NBPF26: variants seen among roughly 807,000 people sequenced by gnomAD.
NBPF26 encodes the protein NBPF family member NBPF26.
In NBPF26, 79 loss-of-function variants were observed where a neutral mutation model predicts 119.6. The observed-to-expected ratio is 0.66, with a 90% CI of 0.55 to 0.80. The LOEUF is 0.80. Among genes scored for constraint, NBPF26 ranks in the 30% least tolerant of loss-of-function variants. NBPF26 has a pLI of 0.00. For missense variants in NBPF26, 800 were observed against 1,198.2 expected, an observed-to-expected ratio of 0.67 and a Z score of 4.91; for synonymous variants, 299 against 457.7, an observed-to-expected ratio of 0.65 and a Z score of 4.43.
rs1267026038 is a variant in NBPF26, at chr1:120,808,497, T to C, written c.1065-48T>C. 2.1e-6 allele frequency: 2 copies of C among 957,176 alleles called. 1 individual carries two copies. The highest frequency in any genetic ancestry group is 3.8e-5 in the Admixed American group (2 of 53,198). 59.3% of individuals were successfully genotyped at this position (957,176 alleles called of 1,614,324 possible). On this transcript the variant is annotated intron_variant, in intron 6 of 29. Transcript: ENST00000620612. ...GTCTCTGTTGCAATATTTGAACGGA[T>C]CACTCAACCCTTTCTACTCTTAAAT...
In NBPF26 at chr1:120,816,929, G is replaced by A. The variant is rs1442308016; in HGVS notation, c.2371+102G>A. ...CACAAATTCATTTGAATAAAAAACT[G>A]TGATGGGTTTCTAAACAGATATCAG... On this transcript the variant is annotated intron_variant, in intron 14 of 29. Transcript: ENST00000620612. The A allele has an allele frequency of 6.4e-5, 73 of 1,142,548 alleles. 8 individuals carry two copies. Among genetic ancestry groups the A allele is most frequent in the Non-Finnish European group, 8.7e-5 (72 of 824,442 alleles). The allele number at this position is 1,142,548 out of a possible 1,614,324, so 70.8% of individuals were successfully genotyped here. A position where few individuals can be genotyped will look rare whatever the true frequency, so the allele number is the denominator to read the frequency against.
At chr1:120,760,180 C>CT (rs1161423259) in intron 1 of NBPF26, among the ~76,000 whole-genome samples, 2,084 of 15,170 alleles carry the variant, frequency 0.14, 526 homozygotes, top group Non-Finnish European at 0.21. Flanking sequence ...TCTACCACAG[C>CT]TTTTTTTTTT....
intron 1 of NBPF26, among the ~76,000 whole-genome samples, chr1:120,729,031 C>T (rs1281681891): frequency 8.6e-6 from 1 of 116,188 alleles, no homozygotes; most frequent in Admixed American, 8.2e-5. Context: ...AACTGAGTGG[C>T]AGGTCTTAGT....
At chr1:120,819,317 T>A (rs1652081442) in intron 15 of NBPF26, among the ~76,000 whole-genome samples, 1 of 115,928 alleles carries the variant, frequency 8.6e-6, no homozygotes, top group East Asian at 2.1e-4. Flanking sequence ...CTTTTTTTTG[T>A]TTTCCATTTG....
chr1:120,818,016 C>A (rs1652047153), intron 14 of NBPF26, 107 bp from the exon 15 acceptor site: 2 of 496,372 alleles, frequency 4.0e-6, no homozygotes, highest in Non-Finnish European at 6.9e-6. Flanking sequence ...AATCCTTATT[C>A]TTGCACTGAG....
intron 14 of NBPF26, among the ~76,000 whole-genome samples, chr1:120,817,617 C>A (rs1652037736): frequency 3.0e-5 from 2 of 66,690 alleles, no homozygotes; most frequent in Admixed American, 3.3e-4. Context: ...TTAGTAGAGA[C>A]AGGGTTTCCC....
At position 120,809,955 on chromosome 1, in the gene NBPF26, G is replaced by T. The variant is rs1453141925; in HGVS notation, c.1352+72G>T. 1.5e-5 allele frequency: 22 copies of T among 1,512,166 alleles called. No individual in the cohort carries two copies. In the African/African-American group the frequency reaches 3.0e-4, roughly 21 times the overall value. 93.7% of individuals were successfully genotyped at this position (1,512,166 alleles called of 1,614,324 possible). A position where few individuals can be genotyped will look rare whatever the true frequency, so the allele number is the denominator to read the frequency against. ...AATGTCTAGGAGGCACACCCTCTCT[G>T]GCATCTATGGTGGGCCAAAAGCCCA... On this transcript the variant is annotated intron_variant, in intron 8 of 29. Transcript: ENST00000620612.
At chr1:120,822,479 C>T (rs1284053192) in intron 16 of NBPF26, among the ~76,000 whole-genome samples, 1 of 104,136 alleles carries the variant, frequency 9.6e-6, no homozygotes, top group Non-Finnish European at 1.9e-5. Flanking sequence ...TAGTCTCAGG[C>T]CATGCCCGTG....
At chr1:120,805,476 T>G in intron 4 of NBPF26, 80 bp from the exon 5 acceptor site, 2 of 1,360,572 alleles carry the variant, frequency 1.5e-6, no homozygotes, top group East Asian at 2.3e-5. Flanking sequence ...TTTCAGTTAC[T>G]GACATCCCTC....
chr1:120,805,228 G>A lies in NBPF26; in HGVS notation c.752-328G>A, dbSNP rs1437490890. Among the ~76,000 whole-genome samples the A allele has an allele frequency of 1.6e-5, 2 of 125,878 alleles. 1 individual carries two copies. Among genetic ancestry groups the A allele is most frequent in the Admixed American group, 1.5e-4 (2 of 13,068 alleles). The allele number at this position is 125,878 out of a possible 152,430, so 82.6% of individuals were successfully genotyped here. ...GGTGCCTGTGTTTCAGCAAAGCCTG[G>A]GCAATTGGAATGCAGGGCTCCTAAG... On this transcript the variant is annotated intron_variant, in intron 4 of 29. Transcript: ENST00000620612.
intron 27 of NBPF26, among the ~76,000 whole-genome samples, 193 bp from the exon 34 acceptor site, chr1:120,838,544 GTGTCTATC>G (rs1290167582): frequency 8.2e-4 from 65 of 79,342 alleles, no homozygotes; most frequent in African/African-American, 3.7e-3. Context: ...GTGTGTGTGT[GTGTCTATC>G]TGTCTTTCTC....
rs1433052430 is a variant in NBPF26, at chr1:120,785,032, C to T, written c.214C>T (p.Arg72Cys). The change falls in exon 3 of 30, where the codon CGC (arginine) becomes TGC (cysteine). Residue 72 changes from arginine to cysteine, a missense_variant. Coordinates refer to ENST00000620612, the Ensembl canonical transcript of NBPF26. ...ACATCGAGACCCCTGTGAGAAGAACCGCTGCCAGAATGGTGGGACTTGTGT... is the reference window on the plus strand; with the variant it reads ...ACATCGAGACCCCTGTGAGAAGAACTGCTGCCAGAATGGTGGGACTTGTGT... 6.5e-5 allele frequency: 94 copies of T among 1,438,850 alleles called. 19 individuals are homozygous for T. Among genetic ancestry groups the T allele is most frequent in the South Asian group, 4.9e-4 (41 of 82,976 alleles). 89.1% of individuals were successfully genotyped at this position (1,438,850 alleles called of 1,614,324 possible). A position where few individuals can be genotyped will look rare whatever the true frequency, so the allele number is the denominator to read the frequency against.
At position 120,724,707 on chromosome 1, in the gene NBPF26, A is replaced by C. The variant is rs1650798719; in HGVS notation, c.73+457A>C. ...CAAGCCAAACGGCCTGCAGCTTCGC[A>C]GCCAGCCTCGCCTTTGCCAGGGGGC... On this transcript the variant is annotated intron_variant, in intron 1 of 29. Coordinates refer to ENST00000620612, the Ensembl canonical transcript of NBPF26. Among the ~76,000 whole-genome samples, 2 of 124,314 alleles carry C rather than the reference A, an allele frequency of 1.6e-5. 1 individual carries two copies. Among genetic ancestry groups the C allele is most frequent in the Non-Finnish European group, 3.3e-5 (2 of 61,338 alleles). 81.6% of individuals were successfully genotyped at this position (124,314 alleles called of 152,430 possible).
intron 23 of NBPF26, among the ~76,000 whole-genome samples, chr1:120,833,366 T>TCTCC (rs1557993422): frequency 1.9e-4 from 1 of 5,130 alleles, no homozygotes. Context: ...TAGGTCACTT[T>TCTCC]CTCTCTGTCT....
chr1:120,784,084 C>T (rs1309789586), intron 2 of NBPF26, among the ~76,000 whole-genome samples: 3 of 116,812 alleles, frequency 2.6e-5, no homozygotes, highest in Non-Finnish European at 4.9e-5. Context: ...AGCTGTGAAA[C>T]AATAATTTGG....
At position 120,770,451 on chromosome 1, in the gene NBPF26, G is replaced by A. The variant is rs1201140398; in HGVS notation, c.155+6742G>A. Among the ~76,000 whole-genome samples the A allele has an allele frequency of 1.8e-5, 2 of 112,724 alleles. 1 individual carries two copies. The highest frequency in any genetic ancestry group is 3.3e-5 in the Non-Finnish European group (2 of 59,936). 74.0% of individuals were successfully genotyped at this position (112,724 alleles called of 152,430 possible). On this transcript the variant is annotated intron_variant, in intron 2 of 29. Coordinates refer to ENST00000620612, the Ensembl canonical transcript of NBPF26. ...CCCAAAGTGCTGGGATTACAGGCGTGAGCCACCACACCCAGCCGAGGACAT... is the reference window on the plus strand; with the variant it reads ...CCCAAAGTGCTGGGATTACAGGCGTAAGCCACCACACCCAGCCGAGGACAT...
chr1:120,781,651 A>C (rs1651362583), intron 2 of NBPF26, among the ~76,000 whole-genome samples: 1 of 65,790 alleles, frequency 1.5e-5, no homozygotes, highest in Non-Finnish European at 2.6e-5. Flanking sequence ...GCAACCTCCA[A>C]CTTCTGGGTT....
intron 1 of NBPF26, among the ~76,000 whole-genome samples, chr1:120,737,753 C>T (rs1167965485): frequency 8.0e-6 from 1 of 125,366 alleles, no homozygotes; most frequent in Non-Finnish European, 1.6e-5. Context: ...TTGGATTAGC[C>T]TGGACTGGTG....
At position 120,813,904 on chromosome 1, in the gene NBPF26, C is replaced by A. The variant is rs1553271339; in HGVS notation, c.1788C>A (p.Cys596Ter). Residue 596 changes from cysteine (C) to a stop codon, truncating the protein, a stop_gained, in exon 11 of 30, where the codon TGC (cysteine) becomes TGA (stop). Transcript: ENST00000620612. LOFTEE classifies it high-confidence loss of function. ...GTCTTTTCTCAGAATATGAAGAGTG[C>A]AAAGATCTCATAAAATCTATGCTGA... 4 of 1,498,082 alleles carry A rather than the reference C, an allele frequency of 2.7e-6. No homozygotes were observed. The East Asian group carries it at 6.7e-5, about 25-fold the overall frequency. The allele number at this position is 1,498,082 out of a possible 1,614,324, so 92.8% of individuals were successfully genotyped here.
Sources: gnomAD v4.1 joint callset for allele counts (sites outside exome capture counted in the v4.1 genomes callset) on GRCh38, gnomAD v4.1.1 for gene constraint, MANE v1.5 for transcripts, NCBI Gene and HGNC (gene_info 2026-07-23, HGNC 2026-07-21) for gene names.